IL1RAPL1: variants seen among roughly 807,000 people sequenced by gnomAD.
IL1RAPL1 encodes interleukin-1 receptor accessory protein-like 1.
IL1RAPL1 carries 3 observed loss-of-function variants against 48.4 expected under a neutral mutation model. The observed-to-expected ratio is 0.06, with a 90% CI of 0.03 to 0.16. The LOEUF is 0.16. Among genes scored for constraint, IL1RAPL1 ranks in the 10% least tolerant of loss-of-function variants. IL1RAPL1 has a pLI of 1.00. For synonymous variants in IL1RAPL1, 185 were observed against 187.7 expected, an observed-to-expected ratio of 0.99 and a Z score of 0.12; for missense variants, 349 against 530.6, an observed-to-expected ratio of 0.66 and a Z score of 3.36.
At chrX:29,527,000 G>A (rs1452375963) in intron 5 of IL1RAPL1, among the ~76,000 whole-genome samples, 1 of 111,864 alleles carries the variant, frequency 8.9e-6, no homozygotes, top group Non-Finnish European at 1.9e-5. Flanking sequence ...CCAGATATTA[G>A]CATGTACTAC....
chrX:29,269,901 T>A (rs769350892), intron 2 of IL1RAPL1, among the ~76,000 whole-genome samples: 1 of 111,344 alleles, frequency 9.0e-6, no homozygotes, highest in Non-Finnish European at 1.9e-5. Context: ...AAAAGTTTCC[T>A]CATGGCCTTT....
At position 28,986,808 on chromosome X, in the gene IL1RAPL1, A is replaced by T. The variant is rs190797595; in HGVS notation, c.82+197383A>T. On this transcript the variant is annotated intron_variant, in intron 2 of 10. Coordinates refer to ENST00000378993, the MANE Select transcript of IL1RAPL1 (RefSeq NM_014271.4). Reference sequence around the variant, plus strand: ...CCAAGGGAAGGATTATTTTCTTAGGATTAAGTATAGTCAATTGGTATTATG... The same window carrying T: ...CCAAGGGAAGGATTATTTTCTTAGGTTTAAGTATAGTCAATTGGTATTATG... 2.4e-3 allele frequency among the ~76,000 whole-genome samples: 272 copies of T among 112,116 alleles called. 1 individual carries two copies. Among genetic ancestry groups the T allele is most frequent in the Non-Finnish European group, 2.3e-3 (122 of 53,177 alleles).
At chrX:29,743,927 T>C (rs1377314848) in intron 6 of IL1RAPL1, among the ~76,000 whole-genome samples, 1 of 112,109 alleles carries the variant, frequency 8.9e-6, no homozygotes, top group African/African-American at 3.2e-5. Context: ...AAGGAGCCAG[T>C]GCTGAAGTTC....
At chrX:29,477,616 A>G (rs1934992404) in intron 5 of IL1RAPL1, among the ~76,000 whole-genome samples, 1 of 112,076 alleles carries the variant, frequency 8.9e-6, no homozygotes, top group African/African-American at 3.3e-5. Flanking sequence ...AGTACTTTAT[A>G]TATATTAACA....
chrX:29,503,684 C>T (rs1348428329), intron 5 of IL1RAPL1, among the ~76,000 whole-genome samples: 1 of 110,891 alleles, frequency 9.0e-6, no homozygotes, highest in Non-Finnish European at 1.9e-5. Context: ...GGGTTTCACT[C>T]TGTCACCCAA....
At chrX:29,408,306 G>A (rs1472818824) in intron 5 of IL1RAPL1, among the ~76,000 whole-genome samples, 1 of 110,852 alleles carries the variant, frequency 9.0e-6, no homozygotes, top group Non-Finnish European at 1.9e-5. Context: ...TTTCATTTTT[G>A]CCCATTTAAT....
intron 2 of IL1RAPL1, among the ~76,000 whole-genome samples, chrX:29,240,195 C>CACATATATATATAT (rs1555979978): frequency 2.2e-4 from 6 of 27,220 alleles, no homozygotes; most frequent in African/African-American, 1.2e-3. Context: ...CACACACACA[C>CACATATATATATAT]ATATATATAT....
chrX:29,379,907 A>G (rs947015327), intron 3 of IL1RAPL1, among the ~76,000 whole-genome samples: 1 of 109,902 alleles, frequency 9.1e-6, no homozygotes, highest in African/African-American at 3.3e-5. Flanking sequence ...TCCTTTGGCT[A>G]TCCCTCTCCC....
intron 9 of IL1RAPL1, among the ~76,000 whole-genome samples, chrX:29,952,340 TA>T (rs1933335142): frequency 9.0e-6 from 1 of 111,601 alleles, no homozygotes; most frequent in African/African-American, 3.3e-5. Flanking sequence ...CCCAAAATAA[TA>T]CTACAATCCA....
At chrX:29,686,522 C>T (rs192407699) in intron 6 of IL1RAPL1, among the ~76,000 whole-genome samples, 1 of 100,678 alleles carries the variant, frequency 9.9e-6, no homozygotes, top group Non-Finnish European at 2.0e-5. Context: ...TGCCTCCCCC[C>T]ACCCCCCTAA....
chrX:29,230,528 A>AAAAAAAAAAAAAAAAAAAAAAAAAAAC, intron 2 of IL1RAPL1, among the ~76,000 whole-genome samples: 1 of 99,108 alleles, frequency 1.0e-5, no homozygotes, highest in Non-Finnish European at 2.0e-5. Flanking sequence ...AAAAAAAAAA[A>AAAAAAAAAAAAAAAAAAAAAAAAAAAC]AAAAAAACCT....
chrX:29,023,176 T>G (rs1926410674), intron 2 of IL1RAPL1, among the ~76,000 whole-genome samples: 1 of 112,615 alleles, frequency 8.9e-6, no homozygotes, highest in South Asian at 3.6e-4. Context: ...ACACTGTCAT[T>G]AATCTGCAAG....
At chrX:28,917,907 ATTC>A (rs1037490595) in intron 2 of IL1RAPL1, among the ~76,000 whole-genome samples, 2 of 111,746 alleles carry the variant, frequency 1.8e-5, no homozygotes, top group Non-Finnish European at 3.8e-5. Context: ...TTTCCCTTAG[ATTC>A]TTCTCTTCTG....
At chrX:28,715,215 T>A (rs1238868794) in intron 1 of IL1RAPL1, among the ~76,000 whole-genome samples, 1 of 112,093 alleles carries the variant, frequency 8.9e-6, no homozygotes, top group African/African-American at 3.2e-5. Context: ...CACAGTGCAG[T>A]CAAATTAAAA....
intron 6 of IL1RAPL1, among the ~76,000 whole-genome samples, chrX:29,842,478 T>C (rs1931155398): frequency 8.9e-6 from 1 of 112,407 alleles, no homozygotes; most frequent in African/African-American, 3.2e-5. Flanking sequence ...TAAGTGTTTC[T>C]GGGACTATTT....
At chrX:29,281,421 G>T (rs1049043913) in intron 2 of IL1RAPL1, among the ~76,000 whole-genome samples, 7 of 111,061 alleles carry the variant, frequency 6.3e-5, no homozygotes, top group Non-Finnish European at 9.4e-5. Flanking sequence ...CAGGGAGAGG[G>T]GTGATCAAAA....
intron 5 of IL1RAPL1, among the ~76,000 whole-genome samples, chrX:29,424,212 G>A (rs1399477211): frequency 1.8e-5 from 2 of 110,742 alleles, no homozygotes; most frequent in Non-Finnish European, 3.8e-5. Flanking sequence ...GTAAGGTGGG[G>A]AGACTATTGC....
At chrX:29,614,892 G>A (rs1924231803) in intron 5 of IL1RAPL1, among the ~76,000 whole-genome samples, 2 of 110,202 alleles carry the variant, frequency 1.8e-5, no homozygotes, top group South Asian at 3.9e-4. Flanking sequence ...CCCGGGAGAC[G>A]GAGCTTGCAG....
chrX:29,195,193 G>A (rs1930419816), intron 2 of IL1RAPL1, among the ~76,000 whole-genome samples: 1 of 111,983 alleles, frequency 8.9e-6, no homozygotes, highest in African/African-American at 3.2e-5. Flanking sequence ...ATGGTTTCTA[G>A]GTGCTGGGGG....
Sources: gnomAD v4.1 joint callset for allele counts (sites outside exome capture counted in the v4.1 genomes callset) on GRCh38, gnomAD v4.1.1 for gene constraint, MANE v1.5 for transcripts, NCBI Gene and HGNC (gene_info 2026-07-23, HGNC 2026-07-21) for gene names.